Variants in GATA4 observed in about 807,000 individuals in gnomAD.
GATA4 encodes GATA binding protein 4.
Under a neutral mutation model 37.9 loss-of-function variants are expected in GATA4, and 7 were observed. That is an observed-to-expected ratio of 0.18 (90% CI 0.11 to 0.35). The LOEUF is 0.35. GATA4 is among the 10% of genes least tolerant of loss of function. GATA4 has a pLI of 1.00. For missense variants in GATA4, 647 were observed against 653.0 expected, an observed-to-expected ratio of 0.99 and a Z score of 0.10; for synonymous variants, 372 against 292.6, an observed-to-expected ratio of 1.27 and a Z score of -2.77.
chr8:11,720,779 G>GT (rs529789610), intron 2 of GATA4, among the ~76,000 whole-genome samples: 5,375 of 149,456 alleles, frequency 0.036, 233 homozygotes, highest in African/African-American at 0.11. Context: ...ACCTGATCTG[G>GT]TTTTTTTTTT....
At chr8:11,746,142 G>T (rs114893818) in intron 2 of GATA4, among the ~76,000 whole-genome samples, 2,735 of 151,940 alleles carry the variant, frequency 0.018, 61 homozygotes, top group African/African-American at 0.052. Context: ...ATGGTAGCGT[G>T]TGCCTGTGGT....
At chr8:11,694,851 C>G (rs546548001) in intron 1 of GATA4, among the ~76,000 whole-genome samples, 1 of 152,306 alleles carries the variant, frequency 6.6e-6, no homozygotes, top group Non-Finnish European at 1.5e-5. Context: ...CTCTCTCTCT[C>G]TCTGTCTCTC....
At chr8:11,704,939 C>G (rs992517100) in intron 1 of GATA4, among the ~76,000 whole-genome samples, 2 of 152,268 alleles carry the variant, frequency 1.3e-5, no homozygotes, top group African/African-American at 4.8e-5. Flanking sequence ...CGCGCTGCTT[C>G]TACCTGAAAC....
intron 4 of GATA4, among the ~76,000 whole-genome samples, chr8:11,751,734 A>C (rs1019513323): frequency 2.6e-5 from 4 of 152,232 alleles, no homozygotes; most frequent in African/African-American, 9.6e-5. Context: ...ACTAAAAATC[A>C]GAGAAATGTA....
rs1021530195 is a variant in GATA4, at chr8:11,680,583, A to G, written c.-274+3520A>G. ...GCTGGTGGGCCAGGAAGCCCAGGCT[A>G]TGCCCAGCCGGGTCCGAGCGGCGGT... On this transcript the variant is annotated intron_variant, in intron 1 of 6. Transcript: ENST00000528712. The G allele has an allele frequency of 4.1e-6, 4 of 985,122 alleles. No individual in the cohort carries two copies. In the African/African-American group the frequency reaches 7.0e-5, roughly 17 times the overall value. The allele number at this position is 985,122 out of a possible 1,614,324, so 61.0% of individuals were successfully genotyped here. A position where few individuals can be genotyped will look rare whatever the true frequency, so the allele number is the denominator to read the frequency against.
intron 2 of GATA4, among the ~76,000 whole-genome samples, chr8:11,742,246 G>A (rs887322547): frequency 6.6e-6 from 1 of 152,026 alleles, no homozygotes; most frequent in African/African-American, 2.4e-5. Flanking sequence ...CAGCCTTCAC[G>A]CTCATCTTTC....
In GATA4 at chr8:11,749,147, A is replaced by C. The variant is rs557541628; in HGVS notation, c.786+62A>C. Reference sequence around the variant, plus strand: ...GCTGCGGAGCTCTCGCCTTGGTGGGACATCCTCTGGTTTTGAATTTTGGAA... The same window carrying C: ...GCTGCGGAGCTCTCGCCTTGGTGGGCCATCCTCTGGTTTTGAATTTTGGAA... On this transcript the variant is annotated intron_variant, in intron 3 of 6. Coordinates refer to ENST00000532059, the MANE Select transcript of GATA4 (RefSeq NM_001308093.3). This position sits in a 1 kb window ranked among gnomAD's most constrained non-coding sequence, Gnocchi z 4.6. 1.3e-6 allele frequency: 2 copies of C among 1,557,562 alleles called. No homozygotes were observed. The highest frequency in any genetic ancestry group is 4.6e-5 in the East Asian group (2 of 43,762).
At chr8:11,691,807 A>G (rs994948469), upstream of GATA4, among the ~76,000 whole-genome samples, 2 of 151,996 alleles carry the variant, frequency 1.3e-5, no homozygotes, top group Non-Finnish European at 2.9e-5. Flanking sequence ...TCCTCTTTCT[A>G]TGGCGCCCCA....
At chr8:11,693,558 CACACAGAGAGAGAGAG>C (rs1212666435) in intron 1 of GATA4, among the ~76,000 whole-genome samples, 7 of 82,326 alleles carry the variant, frequency 8.5e-5, no homozygotes, top group Non-Finnish European at 1.3e-4. Flanking sequence ...CACACACACA[CACACAGAGAGAGAGAG>C]AGAGAGAGAG....
chr8:11,694,362 G>T, intron 1 of GATA4: 1 of 323,482 alleles, frequency 3.1e-6, no homozygotes, highest in Non-Finnish European at 4.4e-6. Flanking sequence ...TTGCCCCATT[G>T]AACCGTTGCC....
intron 2 of GATA4, among the ~76,000 whole-genome samples, chr8:11,721,765 T>A (rs1267649568): frequency 1.3e-5 from 2 of 152,178 alleles, no homozygotes; most frequent in African/African-American, 4.8e-5. Context: ...AATTCTGCCC[T>A]CTTCTTGTAC....
Position 11,695,800 on chromosome 8 carries a change from T to C in GATA4, c.-729+3140T>C, listed in dbSNP as rs143338772. Among the ~76,000 whole-genome samples, 1,003 of 152,212 alleles carry C rather than the reference T, an allele frequency of 6.6e-3. 8 individuals carry two copies. The highest frequency in any genetic ancestry group is 0.065 in the Middle Eastern group (19 of 294). ...CCTGCAGCCTGCCCAAAAACATGAGTGCACCGGCGCTCGTATGTTTGTGCC... is the reference window on the plus strand; with the variant it reads ...CCTGCAGCCTGCCCAAAAACATGAGCGCACCGGCGCTCGTATGTTTGTGCC... On this transcript the variant is annotated intron_variant, in intron 1 of 2. Transcript: ENST00000526974.
intron 1 of GATA4, among the ~76,000 whole-genome samples, chr8:11,705,203 C>T (rs1397991403): frequency 6.6e-6 from 1 of 152,232 alleles, no homozygotes; most frequent in Non-Finnish European, 1.5e-5. Flanking sequence ...GTTGGGGAAG[C>T]GCCTCGGGGA....
Position 11,729,000 on chromosome 8 carries a change from A to C in GATA4, c.617-19916A>C, listed in dbSNP as rs1801075661. On this transcript the variant is annotated intron_variant, in intron 2 of 6. Coordinates refer to ENST00000532059, the MANE Select transcript of GATA4 (RefSeq NM_001308093.3). Reference sequence around the variant, plus strand: ...GTAATCCCAGTACTTCGGGAGGTCGAGGTGGGAGGATCACTTGAGGTCAGG... The same window carrying C: ...GTAATCCCAGTACTTCGGGAGGTCGCGGTGGGAGGATCACTTGAGGTCAGG... Among the ~76,000 whole-genome samples, 3 of 151,478 alleles carry C rather than the reference A, an allele frequency of 2.0e-5. No homozygotes were observed. In the South Asian group the frequency reaches 6.3e-4, roughly 32 times the overall value.
intron 6 of GATA4, 90 bp downstream of exon 6, chr8:11,757,173 A>G (rs1263455069): frequency 2.6e-6 from 4 of 1,556,806 alleles, no homozygotes; most frequent in Non-Finnish European, 3.5e-6. Context: ...TGGGACTTGC[A>G]GCCAGGCCTC....
upstream of GATA4, among the ~76,000 whole-genome samples, chr8:11,691,351 C>G (rs901130297): frequency 3.9e-5 from 6 of 152,182 alleles, no homozygotes; most frequent in East Asian, 7.7e-4. Flanking sequence ...CCCAGGCTGG[C>G]GTGCAGTGGT....
intron 1 of GATA4, chr8:11,682,952 A>G (rs368237823): frequency 2.3e-5 from 12 of 525,346 alleles, no homozygotes; most frequent in Non-Finnish European, 2.7e-5. Flanking sequence ...GCTTTGTTAA[A>G]TGCTATGGGT....
intron 2 of GATA4, among the ~76,000 whole-genome samples, chr8:11,725,939 C>T (rs1016923747): frequency 6.6e-6 from 1 of 152,252 alleles, no homozygotes; most frequent in African/African-American, 2.4e-5. Context: ...TCTCCAGCCA[C>T]AATTCCTGAG....
At chr8:11,751,089 A>G (rs928057971) in intron 4 of GATA4, among the ~76,000 whole-genome samples, 6 of 152,220 alleles carry the variant, frequency 3.9e-5, no homozygotes, top group Non-Finnish European at 5.9e-5. Flanking sequence ...CTTTTTAGCC[A>G]TATAAGAATA....
Sources: gnomAD v4.1 joint callset for allele counts (sites outside exome capture counted in the v4.1 genomes callset) on GRCh38, gnomAD v4.1.1 for gene constraint, Gnocchi (gnomAD v3.1) non-coding constraint, MANE v1.5 for transcripts, NCBI Gene and HGNC (gene_info 2026-07-23, HGNC 2026-07-21) for gene names.